The following ZFYVE16 variants were observed in gnomAD, a reference collection of about 807,000 sequenced individuals.
The protein encoded by ZFYVE16 is zinc finger FYVE domain-containing protein 16.
ZFYVE16 carries 89 observed loss-of-function variants against 138.1 expected under a neutral mutation model. That is an observed-to-expected ratio of 0.64 (90% CI 0.54 to 0.77). The LOEUF (loss-of-function observed/expected upper bound fraction) is 0.77. Among genes scored for constraint, ZFYVE16 ranks in the 30% least tolerant of loss-of-function variants. ZFYVE16 has a pLI of 0.00. For synonymous variants in ZFYVE16, 596 were observed against 618.3 expected, an observed-to-expected ratio of 0.96 and a Z score of 0.53; for missense variants, 1,793 against 1,786.7, an observed-to-expected ratio of 1.00 and a Z score of -0.06.
intron 1 of ZFYVE16, among the ~76,000 whole-genome samples, chr5:80,415,035 C>G (rs1266285484): frequency 6.6e-6 from 1 of 152,146 alleles, no homozygotes; most frequent in Non-Finnish European, 1.5e-5. Context: ...TTCTTTCCCT[C>G]CCTTCCTTCT....
chr5:80,474,601 C>A, intron 17 of ZFYVE16, 62 bp from the exon 18 acceptor site: 1 of 1,462,044 alleles, frequency 6.8e-7, no homozygotes. Context: ...TTGAAAGCAG[C>A]AATTGTTGCA....
intron 1 of ZFYVE16, among the ~76,000 whole-genome samples, chr5:80,414,929 A>G (rs58925551): frequency 0.014 from 2,143 of 152,264 alleles, 58 homozygotes; most frequent in African/African-American, 0.05. Context: ...AAATTTCACA[A>G]TGATGTTGGT....
chr5:80,431,112 A>G (rs1259931570), intron 2 of ZFYVE16, among the ~76,000 whole-genome samples: 1 of 152,238 alleles, frequency 6.6e-6, no homozygotes, highest in Admixed American at 6.5e-5. Context: ...TCCTGATACC[A>G]AAGCCTGGCA....
At chr5:80,468,390 G>C (rs1753950228) in intron 15 of ZFYVE16, among the ~76,000 whole-genome samples, 3 of 152,168 alleles carry the variant, frequency 2.0e-5, no homozygotes, top group Admixed American at 2.0e-4. Context: ...GTATAGCCTA[G>C]TGCATACCTA....
rs1451826094 is a variant in ZFYVE16 at position 80,432,593 on chromosome 5, G to A, written c.-39-1516G>A. On this transcript the variant is annotated intron_variant, in intron 2 of 18. Coordinates refer to ENST00000505560, the MANE Select transcript of ZFYVE16 (RefSeq NM_001284236.3). ...AAGCCAAAATTGACAAATGGGATCA[G>A]ATTAAACTAAAGAGCATCTGCACAG... 1.8e-4 allele frequency among the ~76,000 whole-genome samples: 28 copies of A among 152,232 alleles called. 1 individual carries two copies. The South Asian group carries it at 5.6e-3, about 30-fold the overall frequency.
chr5:80,482,805 T>C lies in ZFYVE16; in HGVS notation c.*5428T>C, dbSNP rs1404633985. 6.6e-6 allele frequency: 1 copy of C among 152,142 alleles called. No individual in the cohort carries two copies. The highest frequency in any genetic ancestry group is 1.5e-5 in the Non-Finnish European group (1 of 68,020). The allele number at this position is 152,142 out of a possible 1,614,324, so 9.4% of individuals were successfully genotyped here. A position where few individuals can be genotyped will look rare whatever the true frequency, so the allele number is the denominator to read the frequency against. On this transcript the variant is annotated 3_prime_UTR_variant, in exon 19 of 19. Coordinates refer to ENST00000505560, the MANE Select transcript of ZFYVE16 (RefSeq NM_001284236.3). ...ACAAAACTGTCAACACAGAATCCTT[T>C]ATCCAGCAAATATATTCTTTAGGAA...
intron 1 of ZFYVE16, among the ~76,000 whole-genome samples, chr5:80,413,210 G>A (rs1395863366): frequency 6.6e-6 from 1 of 152,090 alleles, no homozygotes; most frequent in Non-Finnish European, 1.5e-5. Context: ...GGTGGCTCAT[G>A]CCTGTAATCC....
chr5:80,463,679 A>G (rs1398363761), intron 15 of ZFYVE16, among the ~76,000 whole-genome samples: 2 of 152,214 alleles, frequency 1.3e-5, no homozygotes, highest in Non-Finnish European at 2.9e-5. Context: ...CAAATTTTCC[A>G]AACTTTTATG....
rs776827419 is a variant in ZFYVE16 at position 80,473,851 on chromosome 5, T to G, written c.4285T>G (p.Cys1429Gly). 6.2e-7 allele frequency: 1 copy of G among 1,611,298 alleles called. No homozygotes were observed. The highest frequency in any genetic ancestry group is 1.1e-5 in the South Asian group (1 of 90,506). The change falls in exon 17 of 19, where the codon TGT (cysteine) becomes GGT (glycine). Residue 1429 changes from cysteine to glycine, a missense_variant. Around this residue, in one of 2 missense-constraint regions of ZFYVE16, gnomAD observed 498 missense variants for 582.4 expected, o/e 0.86. Transcript: ENST00000505560. ...TGAAACCGATGAGAAGATTGTAAAA[T>G]GTACCGAGGTAACTAAGAAAGAAGG... ...DFETDEKIVK[C>G]TEVFYFLKDQ...
intron 14 of ZFYVE16, among the ~76,000 whole-genome samples, chr5:80,459,083 A>G (rs538711069): frequency 6.6e-6 from 1 of 152,238 alleles, no homozygotes; most frequent in South Asian, 2.1e-4. Context: ...GCCTGCCACC[A>G]CACCTGGCTA....
At chr5:80,465,472 T>C (rs144197793) in intron 15 of ZFYVE16, among the ~76,000 whole-genome samples, 44 of 133,242 alleles carry the variant, frequency 3.3e-4, no homozygotes, top group Non-Finnish European at 5.6e-4. Flanking sequence ...AGTGGCATAA[T>C]CACAGCTCAC....
intron 2 of ZFYVE16, among the ~76,000 whole-genome samples, chr5:80,427,971 CAAAAAAAA>C (rs386404254): frequency 1.0e-4 from 5 of 48,108 alleles, no homozygotes; most frequent in African/African-American, 1.2e-4. Context: ...GACTCCATCT[CAAAAAAAA>C]AAAAAAAAAA....
rs563264324 is a variant in ZFYVE16 at position 80,433,079 on chromosome 5, A to G, written c.-39-1030A>G. 9.2e-3 allele frequency among the ~76,000 whole-genome samples: 1,398 copies of G among 152,312 alleles called. 29 individuals carry two copies. The highest frequency in any genetic ancestry group is 0.032 in the African/African-American group (1,331 of 41,562). On this transcript the variant is annotated intron_variant, in intron 2 of 18. Transcript: ENST00000505560. ...AAATACCATTTGACCCAGCCATCCCATTACTGGGTATATACCCAAAGGACT... is the reference window on the plus strand; with the variant it reads ...AAATACCATTTGACCCAGCCATCCCGTTACTGGGTATATACCCAAAGGACT...
At chr5:80,435,025 C>A (rs1321697568) in intron 3 of ZFYVE16, among the ~76,000 whole-genome samples, 1 of 151,478 alleles carries the variant, frequency 6.6e-6, no homozygotes, top group Non-Finnish European at 1.5e-5. Flanking sequence ...CCATGCCTGG[C>A]TAATTTTTTG....
At chr5:80,442,307 G>A (rs1250692653) in intron 5 of ZFYVE16, among the ~76,000 whole-genome samples, 1 of 152,112 alleles carries the variant, frequency 6.6e-6, no homozygotes, top group African/African-American at 2.4e-5. Flanking sequence ...GTTTCACCAT[G>A]TTGCCCAGGC....
At chr5:80,452,433 C>CAAAAAA (rs59341952) in intron 11 of ZFYVE16, 1 of 65,618 alleles carries the variant, frequency 1.5e-5, no homozygotes, top group African/African-American at 5.9e-5. Context: ...GACTACGTCT[C>CAAAAAA]AAAAAAAAAA....
chr5:80,474,977 T>C, intron 18 of ZFYVE16, 147 bp downstream of exon 18: 1 of 883,712 alleles, frequency 1.1e-6, no homozygotes, highest in Non-Finnish European at 1.7e-6. Context: ...ATTATCTGTA[T>C]TAGTCTCCAC....
intron 11 of ZFYVE16, among the ~76,000 whole-genome samples, chr5:80,452,894 A>G (rs886474420): frequency 6.6e-6 from 1 of 152,100 alleles, no homozygotes; most frequent in Admixed American, 6.5e-5. Flanking sequence ...ATGTTTATAT[A>G]TATGCTTATT....
At chr5:80,465,400 G>GTTTTTTTTTTTT (rs3072097) in intron 15 of ZFYVE16, among the ~76,000 whole-genome samples, 593 of 26,770 alleles carry the variant, frequency 0.022, 227 homozygotes, top group Non-Finnish European at 0.033. Context: ...CCTTTTCTTT[G>GTTTTTTTTTTTT]TTTTTTTTTT....
Sources: gnomAD v4.1 joint callset for allele counts (sites outside exome capture counted in the v4.1 genomes callset) on GRCh38, gnomAD v4.1.1 for gene constraint, gnomAD v4.1.1 regional missense constraint, MANE v1.5 for transcripts, NCBI Gene and HGNC (gene_info 2026-07-23, HGNC 2026-07-21) for gene names.